PDE3A: variants seen among roughly 807,000 people sequenced by gnomAD.
The protein encoded by PDE3A is phosphodiesterase 3A, also known as cGMP-inhibited 3',5'-cyclic phosphodiesterase 3A.
Under a neutral mutation model 98.3 loss-of-function variants are expected in PDE3A, and 43 were observed. That is an observed-to-expected ratio of 0.44 (90% CI 0.34 to 0.56). PDE3A has a LOEUF of 0.56. Ranked by LOEUF, PDE3A falls within the 20% of genes least tolerant of loss-of-function variation. The pLI is 0.01. For missense variants in PDE3A, 1,427 were observed against 1,440.7 expected, an observed-to-expected ratio of 0.99 and a Z score of 0.15; for synonymous variants, 663 against 567.9, an observed-to-expected ratio of 1.17 and a Z score of -2.38.
intron 2 of PDE3A, among the ~76,000 whole-genome samples, chr12:20,591,768 C>G (rs573165333): frequency 1.3e-5 from 2 of 152,262 alleles, no homozygotes; most frequent in East Asian, 3.9e-4. Context: ...TCATGAGAGG[C>G]TGATTAATAA....
intron 15 of PDE3A, among the ~76,000 whole-genome samples, chr12:20,666,361 C>T (rs112600790): frequency 2.0e-5 from 3 of 152,136 alleles, no homozygotes; most frequent in Non-Finnish European, 2.9e-5. Flanking sequence ...ACTCTGCTAT[C>T]GAAGAACTTA....
At chr12:20,385,847 G>C (rs1261838258) in intron 1 of PDE3A, among the ~76,000 whole-genome samples, 2 of 148,386 alleles carry the variant, frequency 1.3e-5, no homozygotes, top group Non-Finnish European at 3.0e-5. Context: ...TAAATGACGA[G>C]TTAATGGGTG....
intron 1 of PDE3A, chr12:20,449,784 G>A: frequency 1.9e-6 from 1 of 515,070 alleles, no homozygotes; most frequent in Non-Finnish European, 3.5e-6. Flanking sequence ...GTGAGGGACT[G>A]GATTACTTGG....
chr12:20,656,133 T>C (rs1015655994), intron 15 of PDE3A, among the ~76,000 whole-genome samples: 2 of 152,220 alleles, frequency 1.3e-5, no homozygotes, highest in Admixed American at 1.3e-4. Context: ...TAGTATGTGA[T>C]TTCTGTCTAC....
intron 1 of PDE3A, among the ~76,000 whole-genome samples, chr12:20,403,939 C>T (rs1944180683): frequency 6.6e-6 from 1 of 151,982 alleles, no homozygotes; most frequent in Non-Finnish European, 1.5e-5. Flanking sequence ...AATTTTCAAA[C>T]TCTATAATTT....
chr12:20,518,522 G>C (rs1310868038), intron 1 of PDE3A, among the ~76,000 whole-genome samples: 1 of 151,612 alleles, frequency 6.6e-6, no homozygotes, highest in African/African-American at 2.4e-5. Flanking sequence ...TATATATTTT[G>C]AATAGAAGAC....
rs73085029 is a variant in PDE3A at position 20,686,572 on chromosome 12, G to A, written c.*6301G>A. Among the ~76,000 whole-genome samples the A allele has an allele frequency of 3.5e-4, 54 of 152,118 alleles. 1 individual carries two copies. Among genetic ancestry groups the A allele is most frequent in the East Asian group, 1.5e-3 (8 of 5,174 alleles). On this transcript the variant is annotated 3_prime_UTR_variant, in exon 16 of 16. Transcript: ENST00000359062. ...TAAGCCTTAATGGTTTAATATTTCCGTGTCATTGAAAGTTCCTATTTCAAA... is the reference window on the plus strand; with the variant it reads ...TAAGCCTTAATGGTTTAATATTTCCATGTCATTGAAAGTTCCTATTTCAAA...
At chr12:20,397,654 C>T (rs572079960) in intron 1 of PDE3A, among the ~76,000 whole-genome samples, 2 of 151,780 alleles carry the variant, frequency 1.3e-5, no homozygotes, top group African/African-American at 4.8e-5. Context: ...AAATATTTCC[C>T]AACTATTATG....
At chr12:20,636,567 G>T (rs1367244801) in intron 8 of PDE3A, among the ~76,000 whole-genome samples, 1 of 152,048 alleles carries the variant, frequency 6.6e-6, no homozygotes, top group East Asian at 1.9e-4. Context: ...TATGGCAATT[G>T]TTATTCTATA....
Position 20,630,041 on chromosome 12 carries a change from C to A in PDE3A, c.1674C>A (p.Ser558Arg), listed in dbSNP as rs1477547229. The change falls in exon 6 of 16, where the codon AGC (serine) becomes AGA (arginine). Residue 558 changes from serine to arginine, a missense_variant. Ser to Arg is a moderately radical substitution (Grantham distance 110). Transcript: ENST00000359062. ...PESADTTAKQ[S>R]LGSHRALTYT... ...CTGCTGACACAACTGCCAAACAAAG[C>A]CTAGGTTCTCACAGGGCCTTAACTT... is the stretch of plus-strand genomic sequence containing the variant. 6.2e-7 allele frequency: 1 copy of A among 1,613,970 alleles called. No individual in the cohort carries two copies. Among genetic ancestry groups the A allele is most frequent in the South Asian group, 1.1e-5 (1 of 91,078 alleles).
intron 2 of PDE3A, among the ~76,000 whole-genome samples, chr12:20,585,774 C>T (rs1481910578): frequency 2.0e-5 from 3 of 152,054 alleles, no homozygotes; most frequent in Admixed American, 1.3e-4. Flanking sequence ...CACTCTTTTG[C>T]TTTCTTTAGT....
At chr12:20,440,239 G>A (rs1349168818) in intron 1 of PDE3A, among the ~76,000 whole-genome samples, 2 of 152,040 alleles carry the variant, frequency 1.3e-5, no homozygotes, top group African/African-American at 2.4e-5. Context: ...GGAATAGTTA[G>A]GATTTAATTT....
intron 1 of PDE3A, among the ~76,000 whole-genome samples, chr12:20,378,760 T>A (rs891885926): frequency 5.9e-5 from 9 of 151,822 alleles, no homozygotes; most frequent in Non-Finnish European, 7.4e-5. Context: ...AACTAGTCAC[T>A]GTTAGCTCTG....
intron 2 of PDE3A, among the ~76,000 whole-genome samples, chr12:20,597,715 T>G (rs1943499681): frequency 6.6e-6 from 1 of 152,178 alleles, no homozygotes; most frequent in Non-Finnish European, 1.5e-5. Flanking sequence ...GTTTTCTCCT[T>G]TATCCTCTAA....
chr12:20,632,337 C>T (rs1466732446), intron 6 of PDE3A, among the ~76,000 whole-genome samples: 2 of 152,132 alleles, frequency 1.3e-5, no homozygotes, highest in East Asian at 3.9e-4. Flanking sequence ...TCTTAGTGCA[C>T]ACACGAGCAC....
intron 1 of PDE3A, among the ~76,000 whole-genome samples, chr12:20,437,805 T>C (rs1187354053): frequency 6.6e-6 from 1 of 152,162 alleles, no homozygotes; most frequent in African/African-American, 2.4e-5. Context: ...TCAAGGACCG[T>C]AATGGAAATA....
At chr12:20,502,006 C>T (rs187069571) in intron 1 of PDE3A, among the ~76,000 whole-genome samples, 9 of 152,172 alleles carry the variant, frequency 5.9e-5, no homozygotes, top group Non-Finnish European at 8.8e-5. Flanking sequence ...CTGGGGAATA[C>T]GGATAATTGT....
At chr12:20,451,361 C>A (rs1178483732) in intron 1 of PDE3A, among the ~76,000 whole-genome samples, 3 of 152,280 alleles carry the variant, frequency 2.0e-5, no homozygotes, top group Non-Finnish European at 4.4e-5. Context: ...GCAACCTCCG[C>A]CTCCTGGGTA....
At chr12:20,411,354 A>G (rs1944329366) in intron 1 of PDE3A, among the ~76,000 whole-genome samples, 1 of 152,146 alleles carries the variant, frequency 6.6e-6, no homozygotes, top group Non-Finnish European at 1.5e-5. Flanking sequence ...TGTCCCTAAG[A>G]ATTTGACTAC....
Sources: gnomAD v4.1 joint callset for allele counts (sites outside exome capture counted in the v4.1 genomes callset) on GRCh38, gnomAD v4.1.1 for gene constraint, MANE v1.5 for transcripts, NCBI Gene and HGNC (gene_info 2026-07-23, HGNC 2026-07-21) for gene names.